The following FSTL5 variants were observed in gnomAD, a reference collection of about 807,000 sequenced individuals.
FSTL5 encodes the protein follistatin like 5.
A neutral mutation model predicts 89.1 loss-of-function variants in FSTL5; 62 were observed. The ratio of observed to expected loss-of-function variants is 0.70; its 90% CI spans 0.57 to 0.86. FSTL5 has a LOEUF of 0.86. Among genes scored for constraint, FSTL5 ranks in the 40% least tolerant of loss-of-function variants. FSTL5 has a pLI of 0.00. For synonymous variants in FSTL5, 383 were observed against 346.2 expected, an observed-to-expected ratio of 1.11 and a Z score of -1.18; for missense variants, 1,057 against 1,001.6, an observed-to-expected ratio of 1.06 and a Z score of -0.75.
intron 1 of FSTL5, among the ~76,000 whole-genome samples, chr4:162,143,976 TA>T (rs557431683): frequency 8.0e-4 from 122 of 152,250 alleles, no homozygotes; most frequent in African/African-American, 2.4e-3. Flanking sequence ...AATTATTTAC[TA>T]AAAAAGCTCA....
chr4:162,075,649 A>G (rs1219694416), intron 2 of FSTL5, among the ~76,000 whole-genome samples: 1 of 151,922 alleles, frequency 6.6e-6, no homozygotes, highest in Admixed American at 6.6e-5. Context: ...AGAGGACATC[A>G]GTCTCCTGAA....
intron 15 of FSTL5, among the ~76,000 whole-genome samples, chr4:161,415,503 C>T (rs1731741875): frequency 1.3e-5 from 2 of 152,030 alleles, no homozygotes; most frequent in East Asian, 1.9e-4. Flanking sequence ...GATCCACCCG[C>T]ATCAACCTCC....
intron 8 of FSTL5, among the ~76,000 whole-genome samples, chr4:161,585,337 T>A (rs576320499): frequency 1.6e-4 from 24 of 152,148 alleles, no homozygotes; most frequent in Non-Finnish European, 3.2e-4. Context: ...CATCACAATT[T>A]CCTGAGAAGC....
intron 10 of FSTL5, among the ~76,000 whole-genome samples, chr4:161,527,958 T>C (rs894142369): frequency 3.3e-5 from 5 of 150,068 alleles, no homozygotes; most frequent in African/African-American, 1.2e-4. Flanking sequence ...TGGAATACTA[T>C]GCAGCCATAA....
chr4:161,420,284 T>C (rs1260224897), intron 15 of FSTL5, among the ~76,000 whole-genome samples: 3 of 152,218 alleles, frequency 2.0e-5, no homozygotes, highest in Non-Finnish European at 4.4e-5. Context: ...AAGGTAGTTA[T>C]AAATACTAGC....
chr4:162,000,610 A>G (rs1736436069), intron 3 of FSTL5, among the ~76,000 whole-genome samples: 1 of 151,632 alleles, frequency 6.6e-6, no homozygotes, highest in Admixed American at 6.6e-5. Flanking sequence ...AAAAAAAAAA[A>G]CAAAAACAAC....
chr4:161,653,906 A>G (rs952557505), intron 7 of FSTL5, among the ~76,000 whole-genome samples: 30 of 152,160 alleles, frequency 2.0e-4, no homozygotes, highest in Non-Finnish European at 1.5e-5. Flanking sequence ...TATGTACACT[A>G]TAGATTAGGA....
At chr4:161,987,411 A>G (rs1735993349) in intron 3 of FSTL5, among the ~76,000 whole-genome samples, 1 of 149,858 alleles carries the variant, frequency 6.7e-6, no homozygotes, top group Non-Finnish European at 1.5e-5. Flanking sequence ...AAACTCTTCA[A>G]CTACAACTAC....
chr4:161,617,868 G>A (rs1052012929), intron 7 of FSTL5, among the ~76,000 whole-genome samples: 2 of 152,156 alleles, frequency 1.3e-5, no homozygotes, highest in African/African-American at 4.8e-5. Flanking sequence ...TGCACTTTAA[G>A]AAATGCTTAA....
At chr4:161,417,147 TC>T (rs1429701178) in intron 15 of FSTL5, among the ~76,000 whole-genome samples, 1 of 152,256 alleles carries the variant, frequency 6.6e-6, no homozygotes, top group Non-Finnish European at 1.5e-5. Context: ...TACTAAAATC[TC>T]TGCATTCAAC....
intron 4 of FSTL5, among the ~76,000 whole-genome samples, chr4:161,856,010 G>T (rs1731709256): frequency 6.6e-6 from 1 of 151,892 alleles, no homozygotes; most frequent in Non-Finnish European, 1.5e-5. Flanking sequence ...TATTTTTAAG[G>T]GTTTATATGC....
At chr4:161,489,872 G>A (rs944307474) in intron 12 of FSTL5, among the ~76,000 whole-genome samples, 4 of 152,006 alleles carry the variant, frequency 2.6e-5, no homozygotes, top group African/African-American at 9.7e-5. Flanking sequence ...AGGATACTTT[G>A]TTAATGCAGC....
intron 4 of FSTL5, among the ~76,000 whole-genome samples, chr4:161,776,647 T>C (rs749603136): frequency 1.3e-4 from 20 of 151,716 alleles, no homozygotes; most frequent in Non-Finnish European, 2.8e-4. Flanking sequence ...ATTGATGACA[T>C]TCACACATAT....
chr4:162,104,033 G>T (rs777931153), intron 2 of FSTL5, among the ~76,000 whole-genome samples: 1 of 152,144 alleles, frequency 6.6e-6, no homozygotes, highest in Non-Finnish European at 1.5e-5. Context: ...CTTCTGATCC[G>T]CGTTTGTTAT....
At chr4:161,994,441 T>C (rs922305613) in intron 3 of FSTL5, among the ~76,000 whole-genome samples, 5 of 152,162 alleles carry the variant, frequency 3.3e-5, no homozygotes, top group Non-Finnish European at 7.4e-5. Context: ...GCTGTTAGCT[T>C]CTTGAGAAAT....
At chr4:161,529,586 A>G (rs2126528212) in intron 10 of FSTL5, among the ~76,000 whole-genome samples, 1 of 142,576 alleles carries the variant, frequency 7.0e-6, no homozygotes, top group South Asian at 2.4e-4. Flanking sequence ...AGAAATACAA[A>G]TTGTTAATTT....
At chr4:161,532,073 T>C (rs943779408) in intron 10 of FSTL5, among the ~76,000 whole-genome samples, 17 of 151,436 alleles carry the variant, frequency 1.1e-4, no homozygotes, top group Non-Finnish European at 2.4e-4. Flanking sequence ...GGCGTGGTGG[T>C]GGGCGCCTGT....
intron 4 of FSTL5, among the ~76,000 whole-genome samples, chr4:161,779,758 G>C (rs1255609799): frequency 4.2e-5 from 1 of 24,050 alleles, no homozygotes; most frequent in Non-Finnish European, 6.7e-5. Context: ...TATTTGTAAA[G>C]TTATATATAT....
intron 15 of FSTL5, among the ~76,000 whole-genome samples, chr4:161,409,941 C>T (rs1000807116): frequency 6.6e-6 from 1 of 152,082 alleles, no homozygotes; most frequent in Admixed American, 6.6e-5. Flanking sequence ...CAGAGTAGCA[C>T]GTTGCATAAA....
Sources: allele counts gnomAD v4.1 joint callset (sites outside exome capture counted in the v4.1 genomes callset), GRCh38; gene constraint gnomAD v4.1.1; transcripts MANE v1.5; gene names NCBI Gene and HGNC (gene_info 2026-07-23, HGNC 2026-07-21).